Variants in MGST1 observed in about 807,000 individuals in gnomAD.
MGST1 encodes the protein microsomal glutathione S-transferase 1.
Under a neutral mutation model 8.9 loss-of-function variants are expected in MGST1, and 5 were observed. The ratio of observed to expected loss-of-function variants is 0.56; its 90% CI spans 0.29 to 1.19. The LOEUF is 1.19. Among genes scored for constraint, MGST1 ranks in the 50% most tolerant of loss-of-function variants. MGST1 has a pLI of 0.08. For synonymous variants in MGST1, 54 were observed against 67.8 expected (o/e 0.80, Z 1.00); for missense variants, 182 against 187.4 (o/e 0.97, Z 0.17).
intron 1 of MGST1, among the ~76,000 whole-genome samples, chr12:16,394,512 CCCTT>C (rs1343812982): frequency 0.028 from 1,393 of 48,894 alleles, 61 homozygotes; most frequent in East Asian, 0.091. Context: ...CTCTTTCTCT[CCCTT>C]TCTTTCTTTC....
intron 4 of MGST1, among the ~76,000 whole-genome samples, chr12:16,498,616 G>A (rs978698332): frequency 1.3e-5 from 2 of 152,176 alleles, no homozygotes; most frequent in African/African-American, 4.8e-5. Flanking sequence ...GAGCATGTGA[G>A]GCTAATCATC....
chr12:16,486,969 A>G (rs1017027087), intron 4 of MGST1, among the ~76,000 whole-genome samples: 2 of 152,184 alleles, frequency 1.3e-5, no homozygotes, highest in African/African-American at 4.8e-5. Context: ...AGGGCCTGCC[A>G]TATGCCATCC....
intron 4 of MGST1, among the ~76,000 whole-genome samples, chr12:16,460,550 G>A (rs539869839): frequency 1.4e-4 from 21 of 151,324 alleles, no homozygotes; most frequent in Non-Finnish European, 2.5e-4. Context: ...ATTCCCACTC[G>A]GCTTGAGCCT....
At chr12:16,421,562 C>T (rs1400091734) in intron 1 of MGST1, among the ~76,000 whole-genome samples, 1 of 152,174 alleles carries the variant, frequency 6.6e-6, no homozygotes, top group Non-Finnish European at 1.5e-5. Context: ...GAATATTGCT[C>T]TATTCATGTG....
chr12:16,356,857 G>A (rs1477783746), intron 2 of MGST1, among the ~76,000 whole-genome samples: 1 of 152,146 alleles, frequency 6.6e-6, no homozygotes, highest in Non-Finnish European at 1.5e-5. Context: ...ACTCTTTTAT[G>A]CTTCTTGCCT....
At chr12:16,499,060 C>T (rs1329279045) in intron 4 of MGST1, among the ~76,000 whole-genome samples, 1 of 152,118 alleles carries the variant, frequency 6.6e-6, no homozygotes, top group Non-Finnish European at 1.5e-5. Flanking sequence ...ACAGATACTT[C>T]ATGAAAAGTA....
At chr12:16,467,652 T>G (rs1941264679) in intron 4 of MGST1, among the ~76,000 whole-genome samples, 1 of 152,198 alleles carries the variant, frequency 6.6e-6, no homozygotes, top group Non-Finnish European at 1.5e-5. Flanking sequence ...CCATAATCAT[T>G]CACCTTCAAC....
chr12:16,399,643 C>T, intron 1 of MGST1: 1 of 1,600,304 alleles, frequency 6.2e-7, no homozygotes. Flanking sequence ...TCACTCCCCT[C>T]ATCGTCAGGC....
At chr12:16,471,261 G>C (rs1941288134) in intron 4 of MGST1, among the ~76,000 whole-genome samples, 1 of 152,212 alleles carries the variant, frequency 6.6e-6, no homozygotes, top group African/African-American at 2.4e-5. Context: ...GCCTCCGGCA[G>C]TGGCCAACAT....
At chr12:16,381,260 T>G (rs1273406301), downstream of MGST1, among the ~76,000 whole-genome samples, 1 of 152,228 alleles carries the variant, frequency 6.6e-6, no homozygotes, top group African/African-American at 2.4e-5. Flanking sequence ...TTTGGCATGT[T>G]TTTGCAGTGG....
chr12:16,483,595 G>A lies in MGST1; in HGVS notation n.482+99991G>A, dbSNP rs78343938. ...AATGAAGGCAAAATATATTATTAGAGACTCTAAAAATCAACCTTATTGATA... is the reference window on the plus strand; with the variant it reads ...AATGAAGGCAAAATATATTATTAGAAACTCTAAAAATCAACCTTATTGATA... On this transcript the variant is annotated intron_variant and non_coding_transcript_variant, in intron 4 of 4. Coordinates refer to the MGST1 transcript ENST00000538857. 4.3e-3 allele frequency among the ~76,000 whole-genome samples: 648 copies of A among 152,136 alleles called. 8 individuals carry two copies. Among genetic ancestry groups the A allele is most frequent in the Middle Eastern group, 0.034 (10 of 292 alleles).
intron 4 of MGST1, among the ~76,000 whole-genome samples, chr12:16,461,499 G>T (rs1221003455): frequency 6.6e-6 from 1 of 152,038 alleles, no homozygotes; most frequent in Non-Finnish European, 1.5e-5. Flanking sequence ...ATGTTTTAAA[G>T]CATGTCAATT....
chr12:16,444,604 G>C (rs1372969432), intron 4 of MGST1, among the ~76,000 whole-genome samples: 1 of 151,816 alleles, frequency 6.6e-6, no homozygotes, highest in Admixed American at 6.6e-5. Context: ...CATAAACCAA[G>C]CTTGGACTTT....
intron 4 of MGST1, among the ~76,000 whole-genome samples, chr12:16,538,984 C>T (rs879197759): frequency 2.6e-5 from 4 of 152,084 alleles, no homozygotes; most frequent in African/African-American, 4.8e-5. Context: ...TAAAACCATG[C>T]GATCTCATGA....
intron 4 of MGST1, among the ~76,000 whole-genome samples, chr12:16,525,305 C>T (rs1430751353): frequency 7.6e-6 from 1 of 131,278 alleles, no homozygotes; most frequent in Non-Finnish European, 1.6e-5. Context: ...CTCCCCCCAC[C>T]CCACAACAGT....
chr12:16,533,455 G>A (rs918431759), intron 4 of MGST1, among the ~76,000 whole-genome samples: 17 of 152,178 alleles, frequency 1.1e-4, no homozygotes, highest in African/African-American at 4.1e-4. Flanking sequence ...TTTTCTATGA[G>A]TTATACTGTA....
Position 16,422,880 on chromosome 12 carries a change from C to G in MGST1, n.779-14508C>G, listed in dbSNP as rs114545741. Among the ~76,000 whole-genome samples the G allele has an allele frequency of 3.2e-3, 481 of 152,224 alleles. 1 individual carries two copies. Among genetic ancestry groups the G allele is most frequent in the African/African-American group, 0.011 (462 of 41,536 alleles). On this transcript the variant is annotated intron_variant and non_coding_transcript_variant, in intron 1 of 1. Transcript: ENST00000359720. Reference sequence around the variant, plus strand: ...TATTTTGGGTGGTTCTCCCTTGATGCTAAGGTTGTCTTGTTACATGGACAT... The same window carrying G: ...TATTTTGGGTGGTTCTCCCTTGATGGTAAGGTTGTCTTGTTACATGGACAT...
chr12:16,435,012 T>C (rs947462044), intron 1 of MGST1, among the ~76,000 whole-genome samples: 2 of 152,040 alleles, frequency 1.3e-5, no homozygotes, highest in African/African-American at 2.4e-5. Flanking sequence ...TCCGAGATTC[T>C]TTTTAAATTT....
chr12:16,487,560 G>A (rs935857221), intron 4 of MGST1, among the ~76,000 whole-genome samples: 2 of 152,174 alleles, frequency 1.3e-5, no homozygotes, highest in African/African-American at 2.4e-5. Context: ...GAGGCAAGAG[G>A]AAGAAAAGGG....
Sources: gnomAD v4.1 joint callset for allele counts (sites outside exome capture counted in the v4.1 genomes callset) on GRCh38, gnomAD v4.1.1 for gene constraint, MANE v1.5 for transcripts, NCBI Gene and HGNC (gene_info 2026-07-23, HGNC 2026-07-21) for gene names.